Variants in SLC15A1 observed in about 807,000 individuals in gnomAD.
SLC15A1 encodes Caco-2 oligopeptide transporter.
A neutral mutation model predicts 92.9 loss-of-function variants in SLC15A1; 83 were observed. The observed-to-expected ratio is 0.89, with a 90% CI of 0.75 to 1.07. SLC15A1 has a LOEUF of 1.07. SLC15A1 is among the 50% of genes least tolerant of loss of function. The pLI, the probability that SLC15A1 is intolerant of heterozygous loss-of-function variation, is 0.00. For synonymous variants in SLC15A1, 322 were observed against 318.2 expected (o/e 1.01, Z -0.13); for missense variants, 857 against 880.1 (o/e 0.97, Z 0.33).
At chr13:98,707,015 C>G (rs1429512654) in intron 15 of SLC15A1, among the ~76,000 whole-genome samples, 2 of 152,226 alleles carry the variant, frequency 1.3e-5, no homozygotes, top group Non-Finnish European at 2.9e-5. Context: ...GCCCTAGACG[C>G]AGCAGTGTAC....
intron 17 of SLC15A1, among the ~76,000 whole-genome samples, chr13:98,703,045 C>T (rs2088082116): frequency 6.7e-6 from 1 of 149,632 alleles, no homozygotes; most frequent in Non-Finnish European, 1.5e-5. Context: ...TGCCTGAAAT[C>T]CCAGAGCTTT....
intron 1 of SLC15A1, among the ~76,000 whole-genome samples, chr13:98,733,296 T>C (rs1309849943): frequency 6.6e-6 from 1 of 152,232 alleles, no homozygotes; most frequent in Non-Finnish European, 1.5e-5. Flanking sequence ...CTAATACACA[T>C]AGGTTTGCCC....
rs771426478 is a variant in SLC15A1 at position 98,703,539 on chromosome 13, CTTTTTTTTT to C, written c.1416+741_1416+749del. Among the ~76,000 whole-genome samples, 432 of 85,376 alleles carry C rather than the reference CTTTTTTTTT, an allele frequency of 5.1e-3. 2 individuals carry two copies. Among genetic ancestry groups the C allele is most frequent in the African/African-American group, 0.021 (323 of 15,072 alleles). The allele number at this position is 85,376 out of a possible 152,430, so 56.0% of individuals were successfully genotyped here. On this transcript the variant is annotated intron_variant, in intron 17 of 22. Coordinates refer to ENST00000376503, the MANE Select transcript of SLC15A1 (RefSeq NM_005073.4). ...TATACCTTTGTAGCTGCTGCTGCTG[CTTTTTTTTT>C]TTTTTTTTTTTTTTTTTTTTTTTTT...
intron 1 of SLC15A1, among the ~76,000 whole-genome samples, chr13:98,727,898 G>A (rs181938679): frequency 7.2e-5 from 11 of 152,262 alleles, no homozygotes; most frequent in East Asian, 3.9e-4. Context: ...TCTAGGAATC[G>A]GTGACCCCAT....
At chr13:98,747,793 A>G (rs1266348899) in intron 1 of SLC15A1, among the ~76,000 whole-genome samples, 1 of 152,164 alleles carries the variant, frequency 6.6e-6, no homozygotes, top group African/African-American at 2.4e-5. Context: ...AGACAGGAGA[A>G]TTGCTTGAAC....
intron 1 of SLC15A1, among the ~76,000 whole-genome samples, chr13:98,727,171 C>T (rs1201211230): frequency 6.6e-6 from 1 of 152,232 alleles, no homozygotes. Context: ...GGGATAAAAT[C>T]CACACATTCT....
At chr13:98,708,521 T>C (rs2088133401) in intron 15 of SLC15A1, among the ~76,000 whole-genome samples, 165 bp downstream of exon 15, 1 of 152,110 alleles carries the variant, frequency 6.6e-6, no homozygotes, top group African/African-American at 2.4e-5. Context: ...CCACCCACTG[T>C]ACCCTCACAC....
chr13:98,701,047 C>G (rs2088063016), intron 18 of SLC15A1, among the ~76,000 whole-genome samples: 1 of 152,124 alleles, frequency 6.6e-6, no homozygotes, highest in Non-Finnish European at 1.5e-5. Flanking sequence ...TTAGAAGCAG[C>G]TTTTTTATAA....
intron 1 of SLC15A1, among the ~76,000 whole-genome samples, chr13:98,744,813 G>A (rs891001452): frequency 2.7e-5 from 4 of 150,924 alleles, no homozygotes; most frequent in African/African-American, 7.3e-5. Flanking sequence ...CTAATATTTG[G>A]GTTGCACATG....
rs767590419 is a variant in SLC15A1, at chr13:98,709,669, G to A, written c.979-9C>T. The A allele has an allele frequency of 6.2e-7, 1 of 1,614,174 alleles. No homozygotes were observed. The highest frequency in any genetic ancestry group is 1.1e-5 in the South Asian group (1 of 91,078). ...AGGATGGCGTTCACGGTCTGCAGAG[G>A]AAGTGGAGGAGAAATGTTAAGCTTG... On this transcript the variant is annotated splice_polypyrimidine_tract_variant and intron_variant, in intron 13 of 22. Coordinates refer to ENST00000376503, the MANE Select transcript of SLC15A1 (RefSeq NM_005073.4).
In SLC15A1 at chr13:98,701,104, C is replaced by A. The variant is rs2088063384; in HGVS notation, c.1466+1376G>T. 2.0e-5 allele frequency among the ~76,000 whole-genome samples: 3 copies of A among 152,086 alleles called. No individual in the cohort carries two copies. The South Asian group carries it at 6.2e-4, about 32-fold the overall frequency. ...CGATTTTGATAGGAATGGCAATAAA[C>A]CTACAGGTCAGCTTGGGGAAAAATG... On this transcript the variant is annotated intron_variant, in intron 18 of 22. Coordinates refer to ENST00000376503, the MANE Select transcript of SLC15A1 (RefSeq NM_005073.4).
Position 98,694,842 on chromosome 13 carries a change from T to A in SLC15A1, c.1467-6265A>T, listed in dbSNP as rs1210868450. On this transcript the variant is annotated intron_variant, in intron 18 of 22. Transcript: ENST00000376503. ...GAGATTGAGACCATCTGGGCCAACA[T>A]GGTGAAACCCTGTCTCTACTAAAAT... Among the ~76,000 whole-genome samples, 3 of 151,926 alleles carry A rather than the reference T, an allele frequency of 2.0e-5. No individual in the cohort carries two copies. The South Asian group carries it at 6.2e-4, about 32-fold the overall frequency.
chr13:98,747,773 C>A (rs1179235887), intron 1 of SLC15A1, among the ~76,000 whole-genome samples: 2 of 152,126 alleles, frequency 1.3e-5, no homozygotes, highest in Admixed American at 1.3e-4. Flanking sequence ...CCCAGCTACT[C>A]TGGAGGCTGA....
chr13:98,749,348 A>G (rs2088522576), intron 1 of SLC15A1, among the ~76,000 whole-genome samples: 1 of 152,172 alleles, frequency 6.6e-6, no homozygotes, highest in Admixed American at 6.5e-5. Context: ...AAAGTATCCT[A>G]CTTTAAGTGA....
At chr13:98,704,486 A>G (rs1384717846) in intron 16 of SLC15A1, 51 bp from the exon 17 acceptor site, 2 of 1,530,838 alleles carry the variant, frequency 1.3e-6, no homozygotes, top group African/African-American at 1.4e-5. Flanking sequence ...TCTCGGCACT[A>G]TGCAACTGAA....
intron 1 of SLC15A1, among the ~76,000 whole-genome samples, chr13:98,742,844 T>C (rs2088460115): frequency 1.3e-5 from 2 of 152,332 alleles, no homozygotes; most frequent in South Asian, 2.1e-4. Context: ...GGCACGATCA[T>C]AGCTCACTGC....
chr13:98,737,991 T>G (rs1054513054), intron 1 of SLC15A1, among the ~76,000 whole-genome samples: 4 of 152,212 alleles, frequency 2.6e-5, no homozygotes, highest in African/African-American at 9.7e-5. Context: ...AAGGTCACTT[T>G]TGTTATGTCT....
Position 98,715,914 on chromosome 13 carries a change from C to G in SLC15A1, c.687G>C (p.Gln229His), listed in dbSNP as rs147777498. Residue 229 changes from glutamine (Q) to histidine (H), a missense_variant, in exon 9 of 23, where the codon CAG (glutamine) becomes CAC (histidine). Physicochemically the swap from Gln to His is conservative, Grantham distance 24 (BLOSUM62 0). Transcript: ENST00000376503. ...TGGCCACTTTACCCATGATGTTGCCCTGTGGCTTGAACTTCTTGTACATCC... is the reference window on the plus strand; with the variant it reads ...TGGCCACTTTACCCATGATGTTGCCGTGTGGCTTGAACTTCTTGTACATCC... Reference protein sequence around the residue: ...GSGMYKKFKPQGNIMGKVAKC... With the variant: ...GSGMYKKFKPHGNIMGKVAKC... 73 of 1,614,160 alleles carry G rather than the reference C, an allele frequency of 4.5e-5. No individual in the cohort carries two copies. The African/African-American group carries it at 8.7e-4, about 19-fold the overall frequency.
At chr13:98,730,005 G>A in intron 1 of SLC15A1, among the ~76,000 whole-genome samples, 1 of 152,020 alleles carries the variant, frequency 6.6e-6, no homozygotes, top group Non-Finnish European at 1.5e-5. Flanking sequence ...AGGAGTTGGA[G>A]ACCAGCCTGG....
Sources: allele counts gnomAD v4.1 joint callset (sites outside exome capture counted in the v4.1 genomes callset), GRCh38; gene constraint gnomAD v4.1.1; transcripts MANE v1.5; gene names NCBI Gene and HGNC (gene_info 2026-07-23, HGNC 2026-07-21).